The following POLDIP2 variants were observed in gnomAD, a reference collection of about 807,000 sequenced individuals.
POLDIP2 encodes the protein DNA polymerase delta interacting protein 2.
Under a neutral mutation model 52.9 loss-of-function variants are expected in POLDIP2, and 32 were observed. The observed-to-expected ratio is 0.61, with a 90% CI of 0.46 to 0.81. The LOEUF (loss-of-function observed/expected upper bound fraction) is 0.81, where lower values mean the gene tolerates loss of function less well. Ranked by LOEUF, POLDIP2 falls within the 40% of genes least tolerant of loss-of-function variation. POLDIP2 has a pLI of 0.00. For synonymous variants in POLDIP2, 183 were observed against 183.0 expected, an observed-to-expected ratio of 1.00 and a Z score of 0.00; for missense variants, 371 against 477.3, an observed-to-expected ratio of 0.78 and a Z score of 2.07.
rs149364946 is a variant in POLDIP2, at chr17:28,352,755, T to A, written c.622+157A>T. ...GGTTTCACCAGGTTGGCCAGGCCAG[T>A]CTTGAACTCCTGACCTCAGATGATC... On this transcript the variant is annotated intron_variant, in intron 6 of 10. Coordinates refer to ENST00000540200, the MANE Select transcript of POLDIP2 (RefSeq NM_015584.5). Among the ~76,000 whole-genome samples, 759 of 151,904 alleles carry A rather than the reference T, an allele frequency of 5.0e-3. 8 individuals are homozygous for A. The highest frequency in any genetic ancestry group is 0.017 in the African/African-American group (724 of 41,442).
intron 3 of POLDIP2, 122 bp from the exon 4 acceptor site, chr17:28,353,913 A>C (rs1340266772): frequency 1.4e-6 from 1 of 701,040 alleles, no homozygotes; most frequent in Non-Finnish European, 2.6e-6. Flanking sequence ...CTTTAGCACC[A>C]GCTGGACACC....
In POLDIP2 at chr17:28,353,683, T is replaced by C. The variant is rs1555580464; in HGVS notation, c.438+12A>G. 1.3e-6 allele frequency: 2 copies of C among 1,591,688 alleles called. No homozygotes were observed. Among genetic ancestry groups the C allele is most frequent in the African/African-American group, 1.3e-5 (1 of 74,394 alleles). On this transcript the variant is annotated intron_variant, in intron 4 of 10. Transcript: ENST00000540200. ...GAGAGGACCCCCAAGCCCAGCCATC[T>C]TGCTTACTTACTATATGTGGGCAGT... is the stretch of plus-strand genomic sequence containing the variant.
In POLDIP2 at chr17:28,351,716, T is replaced by G; in HGVS notation, c.707A>C (p.Glu236Ala). 1 of 1,613,786 alleles carries G rather than the reference T, an allele frequency of 6.2e-7. No homozygotes were observed. The highest frequency in any genetic ancestry group is 8.5e-7 in the Non-Finnish European group (1 of 1,179,712). ...PWLELSDVHRETTENIRVTVI... is the reference protein window; with the variant it reads ...PWLELSDVHRATTENIRVTVI... ...AGTGACACGTATGTTCTCAGTTGTTTCCCGATGAACATCGGAGAGCTCCAG... is the reference window on the plus strand; with the variant it reads ...AGTGACACGTATGTTCTCAGTTGTTGCCCGATGAACATCGGAGAGCTCCAG... The change falls in exon 7 of 11, where the codon GAA becomes GCA. Residue 236 changes from glutamate to alanine, a missense_variant. Coordinates refer to ENST00000540200, the MANE Select transcript of POLDIP2 (RefSeq NM_015584.5).
Position 28,347,952 on chromosome 17 carries a change from CT to C in POLDIP2, c.*164del. 1 of 603,320 alleles carries C rather than the reference CT, an allele frequency of 1.7e-6. No homozygotes were observed. The highest frequency in any genetic ancestry group is 2.0e-5 in the South Asian group (1 of 49,790). 37.4% of individuals were successfully genotyped at this position (603,320 alleles called of 1,614,324 possible). On this transcript the variant is annotated 3_prime_UTR_variant, in exon 11 of 11. Transcript: ENST00000540200. ...AGCCTTGGAGGTGTCCCACATGGGT[CT>C]TCTGAAGAAAAGTTATACCACCCCT...
At chr17:28,350,701 C>T in intron 8 of POLDIP2, 65 bp downstream of exon 8, 4 of 1,562,318 alleles carry the variant, frequency 2.6e-6, no homozygotes, top group Non-Finnish European at 3.5e-6. Flanking sequence ...GTGGGCTCCC[C>T]CACCTCCACC....
At position 28,350,525 on chromosome 17, in the gene POLDIP2, A is replaced by T; in HGVS notation, c.825T>A (p.Asp275Glu). ...YCIRLENLDSDVVQLRERHWR... is the reference protein window; with the variant it reads ...YCIRLENLDSEVVQLRERHWR... ...AGTGCCGCTCCCGGAGCTGTACCAC[A>T]TCACTGTCAAGGTTCTCCAAACGGA... is the stretch of plus-strand genomic sequence containing the variant. Residue 275 changes from aspartate (D) to glutamate (E), a missense_variant, in exon 9 of 11, where the codon GAT (aspartate) becomes GAA (glutamate). Asp to Glu is a conservative substitution (Grantham distance 45). Coordinates refer to ENST00000540200, the MANE Select transcript of POLDIP2 (RefSeq NM_015584.5). 3 of 1,613,826 alleles carry T rather than the reference A, an allele frequency of 1.9e-6. No homozygotes were observed. The highest frequency in any genetic ancestry group is 2.5e-6 in the Non-Finnish European group (3 of 1,179,792).
At chr17:28,350,651 G>A in intron 8 of POLDIP2, 88 bp from the exon 9 acceptor site, 1 of 1,564,222 alleles carries the variant, frequency 6.4e-7, no homozygotes, top group Non-Finnish European at 8.8e-7. Context: ...AGTCAACAAA[G>A]CTGACACATG....
In POLDIP2 at chr17:28,348,027, ATG is replaced by A. The variant is rs1238533538; in HGVS notation, c.*88_*89del. 1.3e-6 allele frequency: 1 copy of A among 752,212 alleles called. No individual in the cohort carries two copies. Among genetic ancestry groups the A allele is most frequent in the Non-Finnish European group, 2.3e-6 (1 of 432,406 alleles). 46.6% of individuals were successfully genotyped at this position (752,212 alleles called of 1,614,324 possible). A position where few individuals can be genotyped will look rare whatever the true frequency, so the allele number is the denominator to read the frequency against. ...CAAATTAAGAGACCCACTGTGGCCC[ATG>A]ATGGGGAGAGAAGAGTTCTGCAGCA... On this transcript the variant is annotated 3_prime_UTR_variant, in exon 11 of 11. Transcript: ENST00000540200.
Position 28,347,929 on chromosome 17 carries a change from C to A in POLDIP2, c.*188G>T. The A allele has an allele frequency of 1.7e-6, 1 of 589,306 alleles. No individual in the cohort carries two copies. The highest frequency in any genetic ancestry group is 2.0e-5 in the South Asian group (1 of 49,052). 36.5% of individuals were successfully genotyped at this position (589,306 alleles called of 1,614,324 possible). A position where few individuals can be genotyped will look rare whatever the true frequency, so the allele number is the denominator to read the frequency against. On this transcript the variant is annotated 3_prime_UTR_variant, in exon 11 of 11. Coordinates refer to ENST00000540200, the MANE Select transcript of POLDIP2 (RefSeq NM_015584.5). ...TAGGCAGGGCTTATGAGGAGGCCAGCCTTGGAGGTGTCCCACATGGGTCTT... is the reference window on the plus strand; with the variant it reads ...TAGGCAGGGCTTATGAGGAGGCCAGACTTGGAGGTGTCCCACATGGGTCTT...
At chr17:28,350,192 G>A (rs1907743106) in intron 9 of POLDIP2, among the ~76,000 whole-genome samples, 1 of 152,154 alleles carries the variant, frequency 6.6e-6, no homozygotes, top group South Asian at 2.1e-4. Flanking sequence ...TTTAAATTGA[G>A]GCCCTGCCAC....
intron 4 of POLDIP2, among the ~76,000 whole-genome samples, 175 bp downstream of exon 4, chr17:28,353,520 C>CCAAAAAAAAAAAAAAAAAAAAAAAAAAAA (rs1907896470): frequency 7.3e-5 from 4 of 54,804 alleles, no homozygotes; most frequent in Non-Finnish European, 9.1e-5. Flanking sequence ...GACTCCATAT[C>CCAAAAAAAAAAAAAAAAAAAAAAAAAAAA]AAAAAAAAAA....
At chr17:28,349,907 G>A (rs1407089865) in intron 9 of POLDIP2, among the ~76,000 whole-genome samples, 1 of 152,116 alleles carries the variant, frequency 6.6e-6, no homozygotes, top group Non-Finnish European at 1.5e-5. Flanking sequence ...CCCAGTCCTC[G>A]CTGACTTTGA....
At position 28,347,125 on chromosome 17, in the gene POLDIP2, CTG is replaced by C. The variant is rs3093712; in HGVS notation, c.*990_*991del. ...TGTTCTAGCCAGGTCGTAAGCGCGA[CTG>C]TACTGTTGCCCTGCAACCCCAGCTC... On this transcript the variant is annotated 3_prime_UTR_variant, in exon 11 of 11. Coordinates refer to ENST00000540200, the MANE Select transcript of POLDIP2 (RefSeq NM_015584.5). 0.11 allele frequency: 16,992 copies of C among 152,232 alleles called. 1,119 individuals carry two copies. Among genetic ancestry groups the C allele is most frequent in the East Asian group, 0.23 (1,194 of 5,178 alleles). 9.4% of individuals were successfully genotyped at this position (152,232 alleles called of 1,614,324 possible). A position where few individuals can be genotyped will look rare whatever the true frequency, so the allele number is the denominator to read the frequency against.
rs1345717725 is a variant in POLDIP2, at chr17:28,352,893, C to T, written c.622+19G>A. 6 of 1,494,730 alleles carry T rather than the reference C, an allele frequency of 4.0e-6. No homozygotes were observed. Among genetic ancestry groups the T allele is most frequent in the Non-Finnish European group, 5.6e-6 (6 of 1,075,274 alleles). The allele number at this position is 1,494,730 out of a possible 1,614,324, so 92.6% of individuals were successfully genotyped here. ...GAAAAGGCCCTCCCATTCCACCTCC[C>T]CTTCTTGAGAGAGATTACCTTTTGT... is the stretch of plus-strand genomic sequence containing the variant. On this transcript the variant is annotated intron_variant, in intron 6 of 10. Transcript: ENST00000540200.
At chr17:28,352,237 C>CTGTTTTTTTTTT (rs1907823207) in intron 6 of POLDIP2, among the ~76,000 whole-genome samples, 1 of 87,682 alleles carries the variant, frequency 1.1e-5, no homozygotes, top group Admixed American at 1.6e-4. Context: ...GGAATTATTT[C>CTGTTTTTTTTTT]TTTTTTTTTT....
At chr17:28,351,459 CTA>C (rs1294952115) in intron 7 of POLDIP2, among the ~76,000 whole-genome samples, 2 of 152,120 alleles carry the variant, frequency 1.3e-5, no homozygotes, top group African/African-American at 4.8e-5. Context: ...TTCCTGGGAC[CTA>C]TGAGTTTTCC....
Position 28,349,044 on chromosome 17 carries a change from G to A in POLDIP2, c.992+39C>T, listed in dbSNP as rs782454852. The A allele has an allele frequency of 2.1e-6, 3 of 1,433,366 alleles. No individual in the cohort carries two copies. The South Asian group carries it at 3.5e-5, about 17-fold the overall frequency. The allele number at this position is 1,433,366 out of a possible 1,614,324, so 88.8% of individuals were successfully genotyped here. On this transcript the variant is annotated intron_variant, in intron 10 of 10. Coordinates refer to ENST00000540200, the MANE Select transcript of POLDIP2 (RefSeq NM_015584.5). ...TTTCTGACCTACAGCTTCTGTTTGTGGAGCTGGGTGGCCCCTACTGCTGTG... is the reference window on the plus strand; with the variant it reads ...TTTCTGACCTACAGCTTCTGTTTGTAGAGCTGGGTGGCCCCTACTGCTGTG...
At chr17:28,350,375 G>A in intron 9 of POLDIP2, 63 bp downstream of exon 9, 1 of 1,443,702 alleles carries the variant, frequency 6.9e-7, no homozygotes. Context: ...GGAGAAGGAA[G>A]CCATGCGCTA....
chr17:28,357,321 G>A lies in POLDIP2; in HGVS notation c.128C>T (p.Ser43Leu). ...AAGAGAFSPA[S>L]TTTTRRHLSS... is the part of the protein sequence containing the mutation. ...GAGGTGCCTCCGCGTCGTCGTGGTCGACGCTGGCGAGAAGGCTCCAGCTCC... is the reference window on the plus strand; with the variant it reads ...GAGGTGCCTCCGCGTCGTCGTGGTCAACGCTGGCGAGAAGGCTCCAGCTCC... Residue 43 changes from serine (S) to leucine (L), a missense_variant, in exon 1 of 11, where the codon TCG becomes TTG. Transcript: ENST00000540200. The A allele has an allele frequency of 6.3e-7, 1 of 1,579,558 alleles. No individual in the cohort carries two copies. The highest frequency in any genetic ancestry group is 8.5e-7 in the Non-Finnish European group (1 of 1,172,770).
Sources: allele counts gnomAD v4.1 joint callset (sites outside exome capture counted in the v4.1 genomes callset), GRCh38; gene constraint gnomAD v4.1.1; transcripts MANE v1.5; gene names NCBI Gene and HGNC (gene_info 2026-07-23, HGNC 2026-07-21).